The following EIF2AK3 variants were observed in gnomAD, a reference collection of about 807,000 sequenced individuals.
EIF2AK3 encodes the protein eukaryotic translation initiation factor 2 alpha kinase 3.
Under a neutral mutation model 113.5 loss-of-function variants are expected in EIF2AK3, and 50 were observed. The ratio of observed to expected loss-of-function variants is 0.44; its 90% CI spans 0.35 to 0.56. EIF2AK3 has a LOEUF of 0.56. EIF2AK3 is among the 20% of genes least tolerant of loss of function. The probability of loss-of-function intolerance (pLI) is 0.00; values close to 1 mark genes in which losing one functional copy is unlikely to be tolerated. For synonymous variants in EIF2AK3, 448 were observed against 495.4 expected, an observed-to-expected ratio of 0.90 and a Z score of 1.27; for missense variants, 1,185 against 1,378.0, an observed-to-expected ratio of 0.86 and a Z score of 2.22.
At chr2:88,595,394 T>C (rs1674993308) in intron 3 of EIF2AK3, 75 bp downstream of exon 3, 19 of 1,361,480 alleles carry the variant, frequency 1.4e-5, no homozygotes, top group Non-Finnish European at 2.0e-5. Flanking sequence ...TAATAATAAG[T>C]GTAGTTTAAT....
chr2:88,586,079 A>G lies in EIF2AK3; in HGVS notation c.1430-18T>C. 6.2e-7 allele frequency: 1 copy of G among 1,608,034 alleles called. No individual in the cohort carries two copies. Among genetic ancestry groups the G allele is most frequent in the Non-Finnish European group, 8.5e-7 (1 of 1,175,036 alleles). On this transcript the variant is annotated intron_variant, in intron 8 of 16. Coordinates refer to ENST00000303236, the MANE Select transcript of EIF2AK3 (RefSeq NM_004836.7). ...ACCATTATCTTCAAATAGAAACATT[A>G]AAACGTTTTTTTTAAAGGTAATCAA... is the stretch of plus-strand genomic sequence containing the variant.
Position 88,595,730 on chromosome 2 carries a change from A to G in EIF2AK3, c.439-67T>C, listed in dbSNP as rs550079541. The stretch of plus-strand genomic sequence containing the variant: ...TTATTATTTTTTTCTTATTTCTCCC[A>G]GAAAAATAGAAGCATCATACCTTTA... On this transcript the variant is annotated intron_variant, in intron 2 of 16. Transcript: ENST00000303236. 16 of 1,397,948 alleles carry G rather than the reference A, an allele frequency of 1.1e-5. No homozygotes were observed. In the African/African-American group the frequency reaches 2.3e-4, roughly 20 times the overall value. 86.6% of individuals were successfully genotyped at this position (1,397,948 alleles called of 1,614,324 possible).
intron 1 of EIF2AK3, among the ~76,000 whole-genome samples, chr2:88,621,297 G>A (rs1675715444): frequency 6.6e-6 from 1 of 152,186 alleles, no homozygotes; most frequent in African/African-American, 2.4e-5. Context: ...TTACAGTTAA[G>A]TTTATCAAAT....
chr2:88,618,312 A>G (rs1423876921), intron 1 of EIF2AK3, among the ~76,000 whole-genome samples: 1 of 152,238 alleles, frequency 6.6e-6, no homozygotes, highest in Non-Finnish European at 1.5e-5. Context: ...ATCAAGATGA[A>G]AAACTCTTAA....
chr2:88,580,199 C>T (rs1674565095), intron 10 of EIF2AK3, among the ~76,000 whole-genome samples: 1 of 152,188 alleles, frequency 6.6e-6, no homozygotes, highest in Admixed American at 6.5e-5. Flanking sequence ...CAGAAGCCAA[C>T]TCACCATCTG....
chr2:88,625,837 T>TTA (rs904141556), intron 1 of EIF2AK3, among the ~76,000 whole-genome samples: 14 of 151,992 alleles, frequency 9.2e-5, no homozygotes, highest in South Asian at 2.1e-4. Flanking sequence ...AAACTTTGTT[T>TTA]TATATATATA....
intron 2 of EIF2AK3, among the ~76,000 whole-genome samples, chr2:88,603,273 CT>C (rs1675197853): frequency 6.6e-6 from 1 of 152,222 alleles, no homozygotes; most frequent in African/African-American, 2.4e-5. Context: ...CCTTATTTCA[CT>C]TGATTCTCAA....
intron 4 of EIF2AK3, among the ~76,000 whole-genome samples, chr2:88,592,687 C>T (rs1454148823): frequency 6.6e-6 from 1 of 151,044 alleles, no homozygotes; most frequent in East Asian, 1.9e-4. Flanking sequence ...TGCTTGAACC[C>T]GGGAGGCAGC....
At chr2:88,575,923 AGTT>A (rs1185950660) in intron 12 of EIF2AK3, among the ~76,000 whole-genome samples, 2 of 151,722 alleles carry the variant, frequency 1.3e-5, no homozygotes. Flanking sequence ...GTTTCACTCC[AGTT>A]GTTTGGTGGC....
intron 6 of EIF2AK3, among the ~76,000 whole-genome samples, chr2:88,590,231 A>G (rs1674848058): frequency 6.6e-6 from 1 of 152,188 alleles, no homozygotes; most frequent in African/African-American, 2.4e-5. Context: ...GTGAAACTCC[A>G]TCTCCAACAA....
At chr2:88,562,483 C>G in intron 14 of EIF2AK3, 93 bp from the exon 15 acceptor site, 2 of 1,054,236 alleles carry the variant, frequency 1.9e-6, no homozygotes, top group Non-Finnish European at 2.9e-6. Flanking sequence ...TACTTAGTCA[C>G]TTCTTGGTTT....
chr2:88,577,453 C>CA (rs1339806725), intron 11 of EIF2AK3, among the ~76,000 whole-genome samples: 1 of 151,224 alleles, frequency 6.6e-6, no homozygotes, highest in African/African-American at 2.4e-5. Context: ...TAAGGTGCTA[C>CA]AAGCTATCTT....
intron 2 of EIF2AK3, among the ~76,000 whole-genome samples, 164 bp downstream of exon 2, chr2:88,613,559 AG>A (rs374675836): frequency 1.1e-3 from 160 of 152,308 alleles, no homozygotes; most frequent in African/African-American, 3.7e-3. Flanking sequence ...ATTTCACAAG[AG>A]GGGAACTGAG....
intron 7 of EIF2AK3, 22 bp from the exon 8 acceptor site, chr2:88,588,126 C>T (rs746790208): frequency 7.1e-7 from 1 of 1,398,998 alleles, no homozygotes; most frequent in South Asian, 1.3e-5. Flanking sequence ...TTATTATTTT[C>T]TTAATAATAA....
At chr2:88,598,930 G>A (rs963493791) in intron 2 of EIF2AK3, among the ~76,000 whole-genome samples, 2 of 152,054 alleles carry the variant, frequency 1.3e-5, no homozygotes, top group Non-Finnish European at 2.9e-5. Context: ...AGGGAATGGG[G>A]GAGAAGAGTG....
intron 2 of EIF2AK3, among the ~76,000 whole-genome samples, chr2:88,608,882 ATTTT>A (rs70958959): frequency 7.9e-6 from 1 of 126,638 alleles, no homozygotes; most frequent in Non-Finnish European, 1.6e-5. Flanking sequence ...TAATTTTTGT[ATTTT>A]TTTTTTTTTT....
chr2:88,575,932 G>C (rs1674447472), intron 12 of EIF2AK3, among the ~76,000 whole-genome samples: 1 of 152,166 alleles, frequency 6.6e-6, no homozygotes, highest in African/African-American at 2.4e-5. Flanking sequence ...CAGTTGTTTG[G>C]TGGCAGTCTA....
chr2:88,595,830 C>T, intron 2 of EIF2AK3, 167 bp from the exon 3 acceptor site: 3 of 740,946 alleles, frequency 4.0e-6, no homozygotes, highest in Non-Finnish European at 7.1e-6. Flanking sequence ...GCACATGAAG[C>T]AGTGCAGTCC....
At chr2:88,595,337 A>G in intron 3 of EIF2AK3, 132 bp downstream of exon 3, 2 of 891,404 alleles carry the variant, frequency 2.2e-6, no homozygotes, top group South Asian at 1.6e-5. Context: ...CAGTTCTCTT[A>G]TTAAAACAAA....
Sources: allele counts gnomAD v4.1 joint callset (sites outside exome capture counted in the v4.1 genomes callset), GRCh38; gene constraint gnomAD v4.1.1; transcripts MANE v1.5; gene names NCBI Gene and HGNC (gene_info 2026-07-23, HGNC 2026-07-21).